The following MTUS2 variants were observed in gnomAD, a reference collection of about 807,000 sequenced individuals.
The protein encoded by MTUS2 is microtubule associated scaffold protein 2, also known as microtubule-associated tumor suppressor candidate 2.
MTUS2 carries 40 observed loss-of-function variants against 114.1 expected under a neutral mutation model. The observed-to-expected ratio is 0.35, with a 90% CI of 0.27 to 0.46. MTUS2 has a LOEUF of 0.46. Ranked by LOEUF, MTUS2 falls within the 20% of genes least tolerant of loss-of-function variation. The pLI is 1.00. For missense variants in MTUS2, 1,679 were observed against 1,705.4 expected (o/e 0.98, Z 0.27); for synonymous variants, 688 against 672.0 (o/e 1.02, Z -0.37).
chr13:28,872,294 A>C (rs1877664766), intron 2 of MTUS2, among the ~76,000 whole-genome samples: 1 of 151,240 alleles, frequency 6.6e-6, no homozygotes, highest in African/African-American at 2.4e-5. Context: ...ATTGAACAGC[A>C]CTCCTAGGTT....
intron 2 of MTUS2, among the ~76,000 whole-genome samples, chr13:28,971,295 T>TG (rs768756754): frequency 2.6e-5 from 4 of 152,172 alleles, no homozygotes; most frequent in Non-Finnish European, 5.9e-5. Context: ...GCTATATGGT[T>TG]GGGGGCCACT....
At chr13:29,253,370 G>A (rs1171048205) in intron 5 of MTUS2, among the ~76,000 whole-genome samples, 1 of 151,694 alleles carries the variant, frequency 6.6e-6, no homozygotes, top group African/African-American at 2.4e-5. Flanking sequence ...AGGTTTCAGT[G>A]AGCCAAGATC....
At chr13:28,846,061 T>A (rs933588486) in intron 2 of MTUS2, among the ~76,000 whole-genome samples, 1,831 of 148,574 alleles carry the variant, frequency 0.012, 42 homozygotes, top group African/African-American at 0.042. Flanking sequence ...AAAAAATATA[T>A]ATATATATAT....
At chr13:29,387,126 C>A (rs1008192718) in intron 8 of MTUS2, among the ~76,000 whole-genome samples, 1 of 152,180 alleles carries the variant, frequency 6.6e-6, no homozygotes, top group Non-Finnish European at 1.5e-5. Flanking sequence ...TTACATATAA[C>A]CTGAAAGATA....
intron 2 of MTUS2, among the ~76,000 whole-genome samples, chr13:28,976,308 A>G (rs569844956): frequency 6.6e-6 from 1 of 152,192 alleles, no homozygotes; most frequent in South Asian, 2.1e-4. Flanking sequence ...GCAGAGAGGT[A>G]TGAAGCAACC....
chr13:29,182,211 T>G (rs984362442), intron 5 of MTUS2, among the ~76,000 whole-genome samples: 1 of 152,186 alleles, frequency 6.6e-6, no homozygotes, highest in African/African-American at 2.4e-5. Context: ...ATTCTCTCTC[T>G]TTCTCACACC....
chr13:29,460,321 A>G (rs1185874761), intron 9 of MTUS2, among the ~76,000 whole-genome samples: 1 of 151,464 alleles, frequency 6.6e-6, no homozygotes, highest in Non-Finnish European at 1.5e-5. Context: ...CTGTTTCTCC[A>G]CTCCAATCAT....
chr13:28,883,731 G>A (rs779313513), intron 2 of MTUS2, among the ~76,000 whole-genome samples: 1 of 152,072 alleles, frequency 6.6e-6, no homozygotes, highest in Non-Finnish European at 1.5e-5. Context: ...TTGTGGCCAT[G>A]GTTACATGAT....
intron 2 of MTUS2, among the ~76,000 whole-genome samples, chr13:28,855,555 G>T (rs1035364500): frequency 6.6e-6 from 1 of 152,100 alleles, no homozygotes; most frequent in African/African-American, 2.4e-5. Flanking sequence ...TTAGTTTTCT[G>T]AGGATAATGG....
intron 7 of MTUS2, among the ~76,000 whole-genome samples, chr13:29,348,787 A>T (rs1434610178): frequency 2.0e-5 from 3 of 152,210 alleles, no homozygotes; most frequent in Non-Finnish European, 2.9e-5. Flanking sequence ...TGGCCACTTT[A>T]TCATTATGAA....
intron 2 of MTUS2, among the ~76,000 whole-genome samples, 167 bp downstream of exon 2, chr13:28,840,017 A>G (rs1320379787): frequency 1.4e-5 from 2 of 141,992 alleles, no homozygotes; most frequent in South Asian, 2.2e-4. Context: ...AAAATAAATT[A>G]TATGAAAGCT....
At chr13:29,142,474 C>T (rs369439070) in intron 5 of MTUS2, among the ~76,000 whole-genome samples, 10 of 152,208 alleles carry the variant, frequency 6.6e-5, no homozygotes, top group South Asian at 4.2e-4. Flanking sequence ...AAGGCTGAGG[C>T]GGGTGGATCA....
chr13:29,038,896 C>G (rs984553885), intron 4 of MTUS2, among the ~76,000 whole-genome samples: 1 of 152,224 alleles, frequency 6.6e-6, no homozygotes, highest in South Asian at 2.1e-4. Flanking sequence ...TCACCAAGCT[C>G]GACCACCAGG....
intron 2 of MTUS2, among the ~76,000 whole-genome samples, chr13:28,969,072 T>C (rs1883732438): frequency 6.6e-6 from 1 of 152,220 alleles, no homozygotes; most frequent in African/African-American, 2.4e-5. Context: ...GATGGGATCT[T>C]GCTCTGTTGG....
chr13:29,338,808 A>G (rs1901223561), intron 7 of MTUS2, among the ~76,000 whole-genome samples: 1 of 152,192 alleles, frequency 6.6e-6, no homozygotes, highest in Non-Finnish European at 1.5e-5. Flanking sequence ...AAACTGTGAA[A>G]GTGGAGGATA....
intron 5 of MTUS2, among the ~76,000 whole-genome samples, chr13:29,193,916 A>C (rs1593583770): frequency 6.6e-6 from 1 of 152,200 alleles, no homozygotes; most frequent in African/African-American, 2.4e-5. Context: ...ATGGAACAGA[A>C]CAGAGCCCTC....
chr13:28,978,450 G>T (rs1301140167), intron 2 of MTUS2, among the ~76,000 whole-genome samples: 1 of 152,212 alleles, frequency 6.6e-6, no homozygotes, highest in Non-Finnish European at 1.5e-5. Flanking sequence ...TTTGCAGGAA[G>T]AAGAATGAGA....
At chr13:28,938,247 T>G (rs1312584765) in intron 2 of MTUS2, among the ~76,000 whole-genome samples, 7 of 152,024 alleles carry the variant, frequency 4.6e-5, no homozygotes, top group Non-Finnish European at 7.4e-5. Flanking sequence ...CTGGGCATGG[T>G]GTCGCGTGCC....
chr13:28,896,349 G>T (rs145765751), intron 2 of MTUS2, among the ~76,000 whole-genome samples: 1 of 152,118 alleles, frequency 6.6e-6, no homozygotes, highest in Non-Finnish European at 1.5e-5. Context: ...TACAAGGGAC[G>T]TGAAGGACCT....
Sources: gnomAD v4.1 joint callset for allele counts (sites outside exome capture counted in the v4.1 genomes callset) on GRCh38, gnomAD v4.1.1 for gene constraint, MANE v1.5 for transcripts, NCBI Gene and HGNC (gene_info 2026-07-23, HGNC 2026-07-21) for gene names.